Variants in SLC14A2 observed in about 807,000 individuals in gnomAD.
The protein encoded by SLC14A2 is urea transporter 2.
Under a neutral mutation model 104.6 loss-of-function variants are expected in SLC14A2, and 91 were observed. The ratio of observed to expected loss-of-function variants is 0.87; its 90% confidence interval spans 0.73 to 1.04. The LOEUF (loss-of-function observed/expected upper bound fraction) is 1.04. SLC14A2 is among the 50% of genes least tolerant of loss of function. The pLI, the probability that SLC14A2 is intolerant of heterozygous loss-of-function variation, is 0.00. For synonymous variants in SLC14A2, 476 were observed against 466.4 expected (o/e 1.02, Z -0.27); for missense variants, 1,189 against 1,156.0 (o/e 1.03, Z -0.41).
At position 45,349,122 on chromosome 18, in the gene SLC14A2, C is replaced by T. The variant is rs550392843; in HGVS notation, c.-124-134111C>T. Among the ~76,000 whole-genome samples, 14 of 152,310 alleles carry T rather than the reference C, an allele frequency of 9.2e-5. 1 individual carries two copies. The South Asian group carries it at 1.9e-3, about 20-fold the overall frequency. ...CTGCCCAATTTCTCTGTGCTCATTT[C>T]GCTTTCTTGTTCATAAAGGTGCTTC... On this transcript the variant is annotated intron_variant, in intron 1 of 20. Transcript: ENST00000586448.
At chr18:45,632,188 G>A (rs1330515206) in intron 4 of SLC14A2, among the ~76,000 whole-genome samples, 162 bp from the exon 5 acceptor site, 1 of 151,918 alleles carries the variant, frequency 6.6e-6, no homozygotes, top group Non-Finnish European at 1.5e-5. Context: ...AAAGGTGCTG[G>A]CAGCTATGTG....
the SLC14A2 span, among the ~76,000 whole-genome samples, chr18:45,178,584 T>C: frequency 2.6e-5 from 4 of 152,178 alleles, no homozygotes; most frequent in Admixed American, 6.6e-5. Flanking sequence ...GGAGCTAGAA[T>C]AATTGGAATA....
At chr18:45,218,780 C>A (rs1399181013) in intron 1 of SLC14A2, among the ~76,000 whole-genome samples, 1 of 152,028 alleles carries the variant, frequency 6.6e-6, no homozygotes, top group African/African-American at 2.4e-5. Flanking sequence ...TAAAAAGATG[C>A]CCCGCACGAA....
chr18:45,216,585 C>A (rs545837006), intron 1 of SLC14A2, among the ~76,000 whole-genome samples: 1 of 152,170 alleles, frequency 6.6e-6, no homozygotes, highest in African/African-American at 2.4e-5. Flanking sequence ...AATCTCAGCA[C>A]TCCTCTGTCC....
chr18:45,298,089 C>A (rs773537891), intron 1 of SLC14A2, among the ~76,000 whole-genome samples: 1 of 152,184 alleles, frequency 6.6e-6, no homozygotes, highest in Non-Finnish European at 1.5e-5. Context: ...AACCTATAAT[C>A]ATAATATAAT....
chr18:45,504,963 G>C (rs1008718113), intron 2 of SLC14A2, among the ~76,000 whole-genome samples: 3 of 152,194 alleles, frequency 2.0e-5, no homozygotes, highest in Non-Finnish European at 2.9e-5. Flanking sequence ...GATTTGATGA[G>C]ATGGTGAGAT....
chr18:45,547,107 C>T (rs564428219), intron 2 of SLC14A2, among the ~76,000 whole-genome samples: 1 of 152,180 alleles, frequency 6.6e-6, no homozygotes, highest in South Asian at 2.1e-4. Context: ...CTTCATGTCC[C>T]AGGTAGCAGT....
chr18:45,210,746 C>A (rs1045005348), upstream of SLC14A2, among the ~76,000 whole-genome samples: 2 of 152,134 alleles, frequency 1.3e-5, no homozygotes, highest in African/African-American at 2.4e-5. Flanking sequence ...TAACTTTAAC[C>A]AAACCATTCA....
intron 2 of SLC14A2, among the ~76,000 whole-genome samples, chr18:45,540,752 T>TAAC (rs1242643436): frequency 6.6e-6 from 1 of 151,798 alleles, no homozygotes; most frequent in Non-Finnish European, 1.5e-5. Flanking sequence ...CTCAAATTAA[T>TAAC]AACAATAATA....
chr18:45,353,393 G>T (rs574873401), intron 1 of SLC14A2, among the ~76,000 whole-genome samples: 1 of 152,232 alleles, frequency 6.6e-6, no homozygotes, highest in Non-Finnish European at 1.5e-5. Context: ...GGGAACCAGA[G>T]ATTTCCATAA....
chr18:45,245,468 A>G (rs1199215826), intron 1 of SLC14A2, among the ~76,000 whole-genome samples: 1 of 152,192 alleles, frequency 6.6e-6, no homozygotes, highest in African/African-American at 2.4e-5. Flanking sequence ...CTTGAATTTA[A>G]CAGAGCTCTA....
chr18:45,383,416 A>G (rs189076428), intron 1 of SLC14A2, among the ~76,000 whole-genome samples: 42 of 152,298 alleles, frequency 2.8e-4, no homozygotes, highest in African/African-American at 8.9e-4. Context: ...CCAAAGGCTG[A>G]GTTTAGATGG....
intron 1 of SLC14A2, among the ~76,000 whole-genome samples, chr18:45,361,183 G>C (rs533447311): frequency 6.6e-6 from 1 of 152,138 alleles, no homozygotes; most frequent in Non-Finnish European, 1.5e-5. Context: ...AGTCACCCTG[G>C]ATTGTAGTCA....
chr18:45,678,720 G>A (rs2046265592), intron 18 of SLC14A2, among the ~76,000 whole-genome samples: 1 of 152,200 alleles, frequency 6.6e-6, no homozygotes, highest in Non-Finnish European at 1.5e-5. Context: ...AAGGTGGTGG[G>A]ACCCAAGAGA....
chr18:45,679,759 A>T (rs1026511539), intron 19 of SLC14A2, among the ~76,000 whole-genome samples: 2 of 152,216 alleles, frequency 1.3e-5, no homozygotes, highest in African/African-American at 2.4e-5. Flanking sequence ...GCTTGGACTT[A>T]GCATAAGAAG....
At chr18:45,610,489 C>G (rs546656597), upstream of SLC14A2, among the ~76,000 whole-genome samples, 1 of 152,260 alleles carries the variant, frequency 6.6e-6, no homozygotes, top group South Asian at 2.1e-4. Flanking sequence ...ATAAAGATGA[C>G]TGTGTGCTGT....
At chr18:45,207,448 G>A in the SLC14A2 span, among the ~76,000 whole-genome samples, 2 of 151,692 alleles carry the variant, frequency 1.3e-5, no homozygotes, top group Non-Finnish European at 2.9e-5. Context: ...GAAAGCGTAG[G>A]GGATGGAAGA....
At chr18:45,292,986 C>T (rs371711911) in intron 1 of SLC14A2, among the ~76,000 whole-genome samples, 20 of 151,696 alleles carry the variant, frequency 1.3e-4, no homozygotes, top group East Asian at 1.9e-4. Flanking sequence ...TGCTTGACAC[C>T]GCCCCTGCCC....
At chr18:45,176,147 C>T in the SLC14A2 span, among the ~76,000 whole-genome samples, 1 of 152,108 alleles carries the variant, frequency 6.6e-6, no homozygotes, top group African/African-American at 2.4e-5. Flanking sequence ...CTTGCCCACT[C>T]GAAGTTGTAA....
Sources: allele counts gnomAD v4.1 joint callset (sites outside exome capture counted in the v4.1 genomes callset), GRCh38; gene constraint gnomAD v4.1.1; transcripts MANE v1.5; gene names NCBI Gene and HGNC (gene_info 2026-07-23, HGNC 2026-07-21).